ADGRD1: variants seen among roughly 807,000 people sequenced by gnomAD.
The protein encoded by ADGRD1 is G-protein coupled receptor 133.
A neutral mutation model predicts 113.4 loss-of-function variants in ADGRD1; 77 were observed. The observed-to-expected ratio is 0.68, with a 90% CI of 0.57 to 0.82. The LOEUF is 0.82. Among genes scored for constraint, ADGRD1 ranks in the 40% least tolerant of loss-of-function variants. The pLI is 0.00. For missense variants in ADGRD1, 1,036 were observed against 1,139.1 expected, an observed-to-expected ratio of 0.91 and a Z score of 1.30; for synonymous variants, 474 against 475.0, an observed-to-expected ratio of 1.00 and a Z score of 0.03.
At chr12:131,062,870 T>C (rs1246328949) in intron 13 of ADGRD1, among the ~76,000 whole-genome samples, 1 of 152,224 alleles carries the variant, frequency 6.6e-6, no homozygotes, top group Admixed American at 6.5e-5. Flanking sequence ...TTTTTACATT[T>C]CCATGAGCAA....
chr12:130,976,515 A>G (rs1243444239), intron 4 of ADGRD1, among the ~76,000 whole-genome samples: 2 of 152,148 alleles, frequency 1.3e-5, no homozygotes, highest in Non-Finnish European at 2.9e-5. Context: ...CAGTCTCTCC[A>G]GGTGATTCTC....
intron 8 of ADGRD1, among the ~76,000 whole-genome samples, chr12:130,996,310 T>C (rs1212290321): frequency 7.0e-6 from 1 of 143,174 alleles, no homozygotes; most frequent in African/African-American, 2.6e-5. Flanking sequence ...CCAGACGGGG[T>C]GGTGGCCGGG....
intron 20 of ADGRD1, among the ~76,000 whole-genome samples, chr12:131,124,717 C>T (rs61936961): frequency 9.2e-6 from 1 of 108,586 alleles, no homozygotes; most frequent in Admixed American, 9.5e-5. Context: ...CACTGCCCAC[C>T]GCCCCTTCTC....
At position 131,130,734 on chromosome 12, in the gene ADGRD1, C is replaced by T. The variant is rs777062046; in HGVS notation, c.2176-991C>T. Among the ~76,000 whole-genome samples, 6 of 151,012 alleles carry T rather than the reference C, an allele frequency of 4.0e-5. No homozygotes were observed. In the East Asian group the frequency reaches 5.8e-4, roughly 15 times the overall value. On this transcript the variant is annotated intron_variant, in intron 20 of 24. Transcript: ENST00000261654. ...TGGCCCATCCCGTGCGGGGGAAGAGCGAGGCCGGCCCATCCCGTGCGGGGG... is the reference window on the plus strand; with the variant it reads ...TGGCCCATCCCGTGCGGGGGAAGAGTGAGGCCGGCCCATCCCGTGCGGGGG...
intron 20 of ADGRD1, among the ~76,000 whole-genome samples, 198 bp downstream of exon 20, chr12:131,121,111 CT>C (rs1950582448): frequency 6.6e-6 from 1 of 152,238 alleles, no homozygotes; most frequent in African/African-American, 2.4e-5. Flanking sequence ...GAAGGCGGTG[CT>C]TTCCAGGCGG....
intron 15 of ADGRD1, among the ~76,000 whole-genome samples, chr12:131,104,349 T>C (rs999933964): frequency 4.6e-5 from 7 of 152,178 alleles, no homozygotes; most frequent in African/African-American, 1.7e-4. Flanking sequence ...ACTTTATGTT[T>C]GTAAATTCAT....
At chr12:130,987,416 C>T in intron 6 of ADGRD1, 67 bp downstream of exon 6, 1 of 1,569,546 alleles carries the variant, frequency 6.4e-7, no homozygotes, top group Non-Finnish European at 8.7e-7. Context: ...GTATCGGCCT[C>T]CTTTCTCCCC....
rs763306659 is a variant in ADGRD1 at position 131,075,075 on chromosome 12, G to A, written c.1474-1726G>A. Among the ~76,000 whole-genome samples the A allele has an allele frequency of 6.6e-6, 1 of 152,222 alleles. No homozygotes were observed. Among genetic ancestry groups the A allele is most frequent in the Non-Finnish European group, 1.5e-5 (1 of 68,038 alleles). Reference sequence around the variant, plus strand: ...GGAAGAGGCGTCGCCTCACTCCTGAGAAGCCTTGCCACGTGTTGATGTGTA... The same window carrying A: ...GGAAGAGGCGTCGCCTCACTCCTGAAAAGCCTTGCCACGTGTTGATGTGTA... On this transcript the variant is annotated intron_variant, in intron 13 of 24. Coordinates refer to ENST00000261654, the MANE Select transcript of ADGRD1 (RefSeq NM_198827.5). This position sits in a 1 kb window ranked among gnomAD's most constrained non-coding sequence, Gnocchi z 5.3.
chr12:131,062,125 C>A lies in ADGRD1; in HGVS notation c.1474-14676C>A, dbSNP rs543658677. Among the ~76,000 whole-genome samples, 7 of 152,244 alleles carry A rather than the reference C, an allele frequency of 4.6e-5. No individual in the cohort carries two copies. The East Asian group carries it at 1.4e-3, about 29-fold the overall frequency. ...CACTGCAACCTCCGCCTCCCAGATT[C>A]AAGCGATTCTCCTGCCTCAGCCTCC... On this transcript the variant is annotated intron_variant, in intron 13 of 24. Transcript: ENST00000261654.
chr12:131,017,428 C>CATA lies in ADGRD1; in HGVS notation c.1473+3088_1473+3089insATA, dbSNP rs1878719390. On this transcript the variant is annotated intron_variant, in intron 13 of 24. Transcript: ENST00000261654. ...GTCCACACACAGTCCATACCCAGTC[C>CATA]CCACACACCCAGTCCACATACACCC... Among the ~76,000 whole-genome samples, 3 of 136,656 alleles carry CATA rather than the reference C, an allele frequency of 2.2e-5. 1 individual carries two copies. Among genetic ancestry groups the CATA allele is most frequent in the Non-Finnish European group, 4.7e-5 (3 of 63,606 alleles). The allele number at this position is 136,656 out of a possible 152,430, so 89.7% of individuals were successfully genotyped here. A position where few individuals can be genotyped will look rare whatever the true frequency, so the allele number is the denominator to read the frequency against.
intron 15 of ADGRD1, among the ~76,000 whole-genome samples, chr12:131,086,170 T>C (rs1593187617): frequency 6.6e-6 from 1 of 152,268 alleles, no homozygotes; most frequent in African/African-American, 2.4e-5. Context: ...GCGTCCGCAG[T>C]GTCTGCACTG....
At chr12:130,961,001 G>GCAC (rs1870284850) in intron 2 of ADGRD1, among the ~76,000 whole-genome samples, 1 of 152,190 alleles carries the variant, frequency 6.6e-6, no homozygotes, top group African/African-American at 2.4e-5. Flanking sequence ...TCCATGTGTT[G>GCAC]GAGGCCAAGG....
intron 13 of ADGRD1, among the ~76,000 whole-genome samples, chr12:131,066,471 C>T (rs1255858857): frequency 6.6e-6 from 1 of 152,176 alleles, no homozygotes; most frequent in African/African-American, 2.4e-5. Context: ...TGTCCTCGGC[C>T]CCCTGTACCC....
chr12:131,014,647 G>A (rs1878350515), intron 13 of ADGRD1, among the ~76,000 whole-genome samples: 1 of 152,214 alleles, frequency 6.6e-6, no homozygotes, highest in Non-Finnish European at 1.5e-5. Flanking sequence ...CCTTACTGGA[G>A]GAGGGGGGTA....
chr12:130,973,371 T>C (rs2136545755), intron 4 of ADGRD1: 1 of 152,400 alleles, frequency 6.6e-6, no homozygotes. Context: ...ACAGTTGCTG[T>C]GAAGACTGGA....
At chr12:131,002,075 T>C (rs1876454997) in intron 9 of ADGRD1, among the ~76,000 whole-genome samples, 1 of 152,226 alleles carries the variant, frequency 6.6e-6, no homozygotes, top group Non-Finnish European at 1.5e-5. Context: ...TTTAAAAGGT[T>C]TGACCTCTTT....
chr12:131,104,005 C>T (rs983946546), intron 15 of ADGRD1, among the ~76,000 whole-genome samples: 9 of 152,210 alleles, frequency 5.9e-5, no homozygotes, highest in African/African-American at 2.2e-4. Context: ...CGAGGGGGCG[C>T]CGTCTGGATT....
At chr12:131,119,992 GAT>G (rs1415530928) in intron 19 of ADGRD1, among the ~76,000 whole-genome samples, 1 of 152,158 alleles carries the variant, frequency 6.6e-6, no homozygotes, top group East Asian at 1.9e-4. Context: ...TCATCTGCAG[GAT>G]TGGAGTGATC....
Position 131,104,819 on chromosome 12 carries a change from T to C in ADGRD1, c.1672-12T>C. ...GGGCCTGCTGCTGACGCCTCTGCTC[T>C]GCTCCCCGCAGCTTGCACGCGGACA... On this transcript the variant is annotated splice_polypyrimidine_tract_variant and intron_variant, in intron 15 of 24. Coordinates refer to ENST00000261654, the MANE Select transcript of ADGRD1 (RefSeq NM_198827.5). 1 of 1,542,002 alleles carries C rather than the reference T, an allele frequency of 6.5e-7. No individual in the cohort carries two copies. Among genetic ancestry groups the C allele is most frequent in the Non-Finnish European group, 8.7e-7 (1 of 1,144,238 alleles).
Sources: allele counts gnomAD v4.1 joint callset (sites outside exome capture counted in the v4.1 genomes callset), GRCh38; gene constraint gnomAD v4.1.1; non-coding constraint Gnocchi (gnomAD v3.1); transcripts MANE v1.5; gene names NCBI Gene and HGNC (gene_info 2026-07-23, HGNC 2026-07-21).